REDIC1: variants seen among roughly 807,000 people sequenced by gnomAD.
REDIC1 encodes the protein HEI10 Interacting Protein 1.
chr12:39,718,780 T>C, the REDIC1 span, among the ~76,000 whole-genome samples: 2 of 152,144 alleles, frequency 1.3e-5, no homozygotes, highest in Admixed American at 1.3e-4. Flanking sequence ...TGTCTGCTGC[T>C]TCTTGGTCTG....
chr12:39,648,033 CT>C, the REDIC1 span: 25 of 1,159,678 alleles, frequency 2.2e-5, no homozygotes, highest in Non-Finnish European at 2.8e-5. Context: ...TCATGAAACT[CT>C]TTTTTTCTTT....
At chr12:39,712,825 ATG>A in the REDIC1 span, among the ~76,000 whole-genome samples, 3 of 139,418 alleles carry the variant, frequency 2.2e-5, no homozygotes, top group African/African-American at 5.2e-5. Context: ...ACATGTGTGT[ATG>A]TATATACATA....
At chr12:39,646,588 G>A in the REDIC1 span, 2 of 882,756 alleles carry the variant, frequency 2.3e-6, no homozygotes, top group African/African-American at 1.8e-5. Flanking sequence ...GCTGTTAACA[G>A]TATTATGCAA....
chr12:39,732,305 T>G, the REDIC1 span, among the ~76,000 whole-genome samples: 5 of 152,226 alleles, frequency 3.3e-5, no homozygotes, highest in Non-Finnish European at 5.9e-5. Flanking sequence ...AAATTCAATG[T>G]TTCTCCATCC....
At chr12:39,727,190 A>C in the REDIC1 span, among the ~76,000 whole-genome samples, 3 of 152,206 alleles carry the variant, frequency 2.0e-5, no homozygotes, top group East Asian at 5.8e-4. Flanking sequence ...TTTTGTTGTC[A>C]CTGCTTTTGG....
At chr12:39,711,069 A>T in the REDIC1 span, among the ~76,000 whole-genome samples, 5 of 151,344 alleles carry the variant, frequency 3.3e-5, no homozygotes, top group African/African-American at 4.8e-5. Flanking sequence ...CCAAGTTCCC[A>T]AAGTCCATTG....
the REDIC1 span, chr12:39,764,689 A>C: frequency 6.3e-7 from 1 of 1,594,264 alleles, no homozygotes; most frequent in Non-Finnish European, 8.5e-7. Flanking sequence ...TCTACTCCAA[A>C]AAGAGGCAAT....
chr12:39,691,490 A>G, the REDIC1 span, among the ~76,000 whole-genome samples: 1 of 152,172 alleles, frequency 6.6e-6, no homozygotes. Context: ...ATAAAATTGA[A>G]ATCAACTAAA....
the REDIC1 span, among the ~76,000 whole-genome samples, chr12:39,649,962 TTTTTTTA>T: frequency 6.6e-6 from 1 of 151,934 alleles, no homozygotes; most frequent in Non-Finnish European, 1.5e-5. Context: ...TGTTTTTTTG[TTTTTTTA>T]TTTTTTATTT....
chr12:39,672,884 A>T, the REDIC1 span, among the ~76,000 whole-genome samples: 1 of 152,102 alleles, frequency 6.6e-6, no homozygotes, highest in African/African-American at 2.4e-5. Context: ...GCCCTGAAGG[A>T]GCTGCTTCAG....
chr12:39,899,367 C>G, the REDIC1 span, among the ~76,000 whole-genome samples: 1 of 152,216 alleles, frequency 6.6e-6, no homozygotes, highest in East Asian at 1.9e-4. Context: ...TGATTCTCCT[C>G]TCTTTTCTTC....
chr12:39,713,462 GTA>G, the REDIC1 span, among the ~76,000 whole-genome samples: 17 of 147,222 alleles, frequency 1.2e-4, 1 homozygote, highest in South Asian at 3.6e-3. Context: ...ACATACATTT[GTA>G]TATATACATG....
At chr12:39,812,996 A>ATTTTT in the REDIC1 span, among the ~76,000 whole-genome samples, 19,851 of 40,442 alleles carry the variant, frequency 0.49, 8,913 homozygotes, top group East Asian at 0.55. Context: ...TGCCCAGCTA[A>ATTTTT]TTTTTTTTTT....
At chr12:39,797,900 TCAGCCTC>T in the REDIC1 span, among the ~76,000 whole-genome samples, 195 of 152,178 alleles carry the variant, frequency 1.3e-3, no homozygotes, top group African/African-American at 4.2e-3. Context: ...GCTGTGGGAG[TCAGCCTC>T]CAGAATATCC....
the REDIC1 span, among the ~76,000 whole-genome samples, chr12:39,713,647 AC>A: frequency 6.7e-6 from 1 of 149,074 alleles, no homozygotes; most frequent in South Asian, 2.1e-4. Context: ...ATGTATATAT[AC>A]CTGTATACAT....
At chr12:39,684,260 G>C in the REDIC1 span, 3 of 979,376 alleles carry the variant, frequency 3.1e-6, no homozygotes, top group Non-Finnish European at 3.7e-6. Context: ...AGTAACTAAA[G>C]AAAACTTTAT....
At chr12:39,900,693 A>G in the REDIC1 span, among the ~76,000 whole-genome samples, 1 of 152,324 alleles carries the variant, frequency 6.6e-6, no homozygotes, top group African/African-American at 2.4e-5. Context: ...AAAAGAGGAT[A>G]CAAACAAATG....
At chr12:39,738,644 C>T in the REDIC1 span, among the ~76,000 whole-genome samples, 1 of 152,162 alleles carries the variant, frequency 6.6e-6, no homozygotes, top group Non-Finnish European at 1.5e-5. Flanking sequence ...CTATCATAAC[C>T]TAATTGTACT....
At chr12:39,900,443 C>T in the REDIC1 span, among the ~76,000 whole-genome samples, 8 of 152,098 alleles carry the variant, frequency 5.3e-5, no homozygotes, top group East Asian at 1.9e-4. Context: ...AAAACCCCAT[C>T]GTCTCAGCCC....
Sources: allele counts gnomAD v4.1 joint callset (sites outside exome capture counted in the v4.1 genomes callset), GRCh38; gene constraint gnomAD v4.1.1; transcripts MANE v1.5; gene names NCBI Gene and HGNC (gene_info 2026-07-23, HGNC 2026-07-21).